The following ABCB7 variants were observed in gnomAD, a reference collection of about 807,000 sequenced individuals.
ABCB7 encodes iron-sulfur clusters transporter ABCB7, mitochondrial.
In ABCB7, 7 loss-of-function variants were observed where a neutral mutation model predicts 54.4. The ratio of observed to expected loss-of-function variants is 0.13; its 90% CI spans 0.07 to 0.24. The LOEUF is 0.24. ABCB7 is among the 10% of genes least tolerant of loss of function. The pLI is 1.00. For missense variants in ABCB7, 356 were observed against 570.4 expected (o/e 0.62, Z 3.83); for synonymous variants, 218 against 207.1 (o/e 1.05, Z -0.45).
At chrX:75,129,957 CTAT>C (rs1242669148) in intron 1 of ABCB7, among the ~76,000 whole-genome samples, 1 of 110,962 alleles carries the variant, frequency 9.0e-6, no homozygotes, top group African/African-American at 3.3e-5. Context: ...GTAGCTAATA[CTAT>C]TATTATTTTC....
At chrX:75,072,626 G>C (rs1280777508) in intron 8 of ABCB7, among the ~76,000 whole-genome samples, 3 of 111,625 alleles carry the variant, frequency 2.7e-5, no homozygotes, top group Admixed American at 1.9e-4. Flanking sequence ...CTGCAGGACT[G>C]AAAATGGCTC....
chrX:75,132,831 A>C (rs1370776305), intron 1 of ABCB7, among the ~76,000 whole-genome samples: 1 of 112,194 alleles, frequency 8.9e-6, no homozygotes, highest in Non-Finnish European at 1.9e-5. Context: ...AAACGTCCAG[A>C]AACAAAGTCA....
intron 1 of ABCB7, among the ~76,000 whole-genome samples, chrX:75,153,336 G>T (rs1160479821): frequency 1.8e-5 from 2 of 111,034 alleles, no homozygotes; most frequent in Non-Finnish European, 3.8e-5. Flanking sequence ...ATTTTGGGAC[G>T]ACTGTTGAAT....
intron 1 of ABCB7, among the ~76,000 whole-genome samples, chrX:75,136,857 C>A (rs1261612617): frequency 1.8e-5 from 2 of 112,098 alleles, no homozygotes; most frequent in African/African-American, 6.5e-5. Context: ...AAATGGGCCC[C>A]TATCTTTAAC....
At chrX:75,150,683 C>T (rs1453146376) in intron 1 of ABCB7, among the ~76,000 whole-genome samples, 2 of 111,043 alleles carry the variant, frequency 1.8e-5, no homozygotes, top group Non-Finnish European at 3.8e-5. Flanking sequence ...GCATAAGAAT[C>T]GTATACAGAA....
At chrX:75,067,003 C>T (rs958195264) in intron 12 of ABCB7, among the ~76,000 whole-genome samples, 1 of 111,542 alleles carries the variant, frequency 9.0e-6, no homozygotes, top group African/African-American at 3.3e-5. Flanking sequence ...CATATAAAGA[C>T]TTGTTCACAT....
intron 1 of ABCB7, among the ~76,000 whole-genome samples, chrX:75,148,130 T>A (rs1410019795): frequency 9.1e-6 from 1 of 110,333 alleles, no homozygotes; most frequent in Non-Finnish European, 1.9e-5. Context: ...AAATAAAAAA[T>A]AAAAAATAAA....
At chrX:75,103,021 T>C (rs977751631) in intron 3 of ABCB7, among the ~76,000 whole-genome samples, 27 of 111,612 alleles carry the variant, frequency 2.4e-4, no homozygotes, top group Non-Finnish European at 4.9e-4. Flanking sequence ...TTCTGAATAT[T>C]AGTCTCTTGT....
chrX:75,108,936 T>C (rs1273495749), intron 3 of ABCB7, among the ~76,000 whole-genome samples: 2 of 112,097 alleles, frequency 1.8e-5, no homozygotes, highest in Non-Finnish European at 3.8e-5. Flanking sequence ...TTTTTAAATA[T>C]TTACTTATTT....
chrX:75,118,701 T>C (rs745371004), intron 1 of ABCB7, among the ~76,000 whole-genome samples: 1 of 111,648 alleles, frequency 9.0e-6, no homozygotes, highest in Non-Finnish European at 1.9e-5. Flanking sequence ...ATAGGAAATA[T>C]ACTTTTGAGG....
intron 3 of ABCB7, among the ~76,000 whole-genome samples, chrX:75,109,055 C>T (rs139703837): frequency 0.013 from 1,481 of 111,523 alleles, 17 homozygotes; most frequent in African/African-American, 0.046. Flanking sequence ...GGGTCAAAAA[C>T]AAATACATAA....
intron 3 of ABCB7, among the ~76,000 whole-genome samples, chrX:75,105,234 A>G (rs1019379565): frequency 3.6e-5 from 4 of 111,104 alleles, no homozygotes; most frequent in African/African-American, 6.5e-5. Flanking sequence ...AGAGGAAGTC[A>G]AATTATCTCT....
chrX:75,065,744 T>A, intron 12 of ABCB7, among the ~76,000 whole-genome samples: 1 of 111,970 alleles, frequency 8.9e-6, no homozygotes, highest in Middle Eastern at 4.6e-3. Context: ...TGTGTGTTTC[T>A]GTAAGAATTC....
chrX:75,115,129 G>T (rs1384240883), intron 1 of ABCB7, among the ~76,000 whole-genome samples: 3 of 107,619 alleles, frequency 2.8e-5, no homozygotes, highest in Non-Finnish European at 3.8e-5. Context: ...TTAGCTGGGC[G>T]TGGTGGCGTG....
intron 3 of ABCB7, among the ~76,000 whole-genome samples, chrX:75,101,746 C>T (rs1332569535): frequency 9.0e-6 from 1 of 111,716 alleles, no homozygotes; most frequent in Admixed American, 9.5e-5. Flanking sequence ...CCTGCTTTCA[C>T]GTATCTTTAG....
At chrX:75,121,567 A>C (rs190490698) in intron 1 of ABCB7, among the ~76,000 whole-genome samples, 2 of 111,601 alleles carry the variant, frequency 1.8e-5, no homozygotes, top group African/African-American at 6.5e-5. Flanking sequence ...TGCTGCTCAG[A>C]AGAAACAAGA....
chrX:75,127,588 G>A (rs981495194), intron 1 of ABCB7, among the ~76,000 whole-genome samples: 1 of 111,296 alleles, frequency 9.0e-6, no homozygotes, highest in Non-Finnish European at 1.9e-5. Flanking sequence ...AGAAACAAAG[G>A]GTATTCAAAT....
At chrX:75,062,471 T>C (rs1361265527) in intron 13 of ABCB7, 40 bp from the exon 14 acceptor site, 1 of 1,019,921 alleles carries the variant, frequency 9.8e-7, no homozygotes, top group South Asian at 1.9e-5. Flanking sequence ...GCATAGTGCA[T>C]GCATATTTTA....
Position 75,076,646 on chromosome X carries a change from A to G in ABCB7, c.462T>C (p.Asn154=), listed in dbSNP as rs750358442. The G allele has an allele frequency of 5.0e-6, 6 of 1,207,277 alleles. No individual in the cohort carries two copies. The African/African-American group carries it at 7.0e-5, about 14-fold the overall frequency. ...LGFLGGAKAM[N]IVVPFMFKYA... is the part of the protein sequence containing the mutation. ...ATTTAAACATGAAGGGAACCACAAT[A>G]TTCATGGCCTAAAAACATAAAAACA... is the stretch of plus-strand genomic sequence containing the variant. The change falls in exon 5 of 16, where the codon AAT becomes AAC. Residue 154 remains asparagine, a synonymous_variant. Transcript: ENST00000373394.
Sources: gnomAD v4.1 joint callset for allele counts (sites outside exome capture counted in the v4.1 genomes callset) on GRCh38, gnomAD v4.1.1 for gene constraint, MANE v1.5 for transcripts, NCBI Gene and HGNC (gene_info 2026-07-23, HGNC 2026-07-21) for gene names.